Variants in PILRA observed in about 807,000 individuals in gnomAD.
PILRA encodes the protein paired immunoglobulin-like type 2 receptor alpha.
In PILRA, 37 loss-of-function variants were observed where a neutral mutation model predicts 33.1. The observed-to-expected ratio is 1.12, with a 90% CI of 0.86 to 1.47. PILRA has a LOEUF of 1.47. PILRA is among the 40% of genes most tolerant of loss of function. PILRA has a pLI of 0.00. For synonymous variants in PILRA, 146 were observed against 149.9 expected (o/e 0.97, Z 0.19); for missense variants, 312 against 376.2 (o/e 0.83, Z 1.41).
At chr7:100,379,092 CAA>C (rs760446053) in intron 2 of PILRA, among the ~76,000 whole-genome samples, 40 of 73,548 alleles carry the variant, frequency 5.4e-4, no homozygotes, top group Admixed American at 4.3e-4. Flanking sequence ...GACTCTGTCT[CAA>C]AAAAAAAAAA....
At chr7:100,384,432 T>C (rs1230430574) in intron 2 of PILRA, among the ~76,000 whole-genome samples, 1 of 149,618 alleles carries the variant, frequency 6.7e-6, no homozygotes, top group Non-Finnish European at 1.5e-5. Context: ...AAAAAAAATT[T>C]TTTTTTTTTT....
At chr7:100,374,490 A>G in intron 2 of PILRA, 57 bp downstream of exon 2, 1 of 1,603,388 alleles carries the variant, frequency 6.2e-7, no homozygotes, top group African/African-American at 1.3e-5. Context: ...TTTTATGATC[A>G]CTGGTGACAT....
At chr7:100,397,577 G>A (rs1238997170) in intron 3 of PILRA, among the ~76,000 whole-genome samples, 1 of 152,228 alleles carries the variant, frequency 6.6e-6, no homozygotes, top group East Asian at 1.9e-4. Flanking sequence ...GTGACTGGGC[G>A]AGGGCTCAGC....
intron 2 of PILRA, among the ~76,000 whole-genome samples, chr7:100,377,487 C>T (rs963639326): frequency 4.6e-5 from 7 of 151,444 alleles, no homozygotes; most frequent in East Asian, 2.0e-4. Flanking sequence ...GTGATCTGCC[C>T]GCCTCGGCCT....
chr7:100,381,830 G>A (rs1340619894), intron 2 of PILRA, among the ~76,000 whole-genome samples: 3 of 152,334 alleles, frequency 2.0e-5, no homozygotes, highest in African/African-American at 4.8e-5. Flanking sequence ...GGAGTGGCCG[G>A]CCGGCCCCGG....
At chr7:100,394,590 T>C (rs1791455143) in intron 3 of PILRA, among the ~76,000 whole-genome samples, 1 of 89,356 alleles carries the variant, frequency 1.1e-5, no homozygotes, top group South Asian at 3.6e-4. Flanking sequence ...TGAGATTCTA[T>C]CTCAAAAAAA....
chr7:100,398,602 C>T (rs760230490), intron 4 of PILRA, among the ~76,000 whole-genome samples: 42 of 152,208 alleles, frequency 2.8e-4, no homozygotes, highest in Non-Finnish European at 5.7e-4. Context: ...ATTCACCCAG[C>T]CTGAACCCCT....
rs1288235272 is a variant in PILRA, at chr7:100,399,251, C to T, written c.708-40C>T. 4 of 1,525,868 alleles carry T rather than the reference C, an allele frequency of 2.6e-6. No homozygotes were observed. In the African/African-American group the frequency reaches 5.5e-5, roughly 21 times the overall value. 94.5% of individuals were successfully genotyped at this position (1,525,868 alleles called of 1,614,324 possible). ...CACCCAGCCCATGTCTTAAAATGCC[C>T]AACCTCTAACATATTTCCTGTCCTC... On this transcript the variant is annotated intron_variant, in intron 4 of 6. Transcript: ENST00000198536.
chr7:100,398,269 T>C (rs1203639509), intron 4 of PILRA, among the ~76,000 whole-genome samples: 1 of 152,210 alleles, frequency 6.6e-6, no homozygotes, highest in East Asian at 1.9e-4. Context: ...CTTTTCCATA[T>C]TGCCTACTCT....
intron 2 of PILRA, among the ~76,000 whole-genome samples, chr7:100,378,720 AT>A (rs1791009003): frequency 1.3e-5 from 2 of 151,728 alleles, no homozygotes; most frequent in African/African-American, 4.8e-5. Flanking sequence ...AAGAAAAAAG[AT>A]TTTTTTACCC....
intron 5 of PILRA, 29 bp downstream of exon 5, chr7:100,399,369 T>C (rs1791590395): frequency 6.3e-7 from 1 of 1,586,134 alleles, no homozygotes; most frequent in Non-Finnish European, 8.7e-7. Flanking sequence ...CCTTCCCCAG[T>C]TTCTACCCCT....
intron 2 of PILRA, among the ~76,000 whole-genome samples, chr7:100,379,042 G>A (rs1344050593): frequency 6.7e-6 from 1 of 148,708 alleles, no homozygotes; most frequent in Non-Finnish European, 1.5e-5. Flanking sequence ...GCAGTGAGCA[G>A]AGATCGTGCC....
chr7:100,399,737 C>A, intron 6 of PILRA, 48 bp from the exon 7 acceptor site: 2 of 1,611,488 alleles, frequency 1.2e-6, no homozygotes, highest in Non-Finnish European at 1.7e-6. Context: ...AAGATGGGAA[C>A]AGCTCCGTCT....
At position 100,374,535 on chromosome 7, in the gene PILRA, G is replaced by A. The variant is rs753542030; in HGVS notation, c.454+102G>A. ...CACCTCAGACCCCACTTCTTCTGAC[G>A]ACCCCTAAGTTCTCTCTTTGGCCCC... On this transcript the variant is annotated intron_variant, in intron 2 of 6. Transcript: ENST00000198536. 11 of 1,400,190 alleles carry A rather than the reference G, an allele frequency of 7.9e-6. No homozygotes were observed. In the Admixed American group the frequency reaches 1.2e-4, roughly 16 times the overall value. 86.7% of individuals were successfully genotyped at this position (1,400,190 alleles called of 1,614,324 possible). A position where few individuals can be genotyped will look rare whatever the true frequency, so the allele number is the denominator to read the frequency against.
rs1791353954 is a variant in PILRA, at chr7:100,390,069, G to A, written c.636G>A (p.Leu212=). The A allele has an allele frequency of 1.2e-6, 2 of 1,613,974 alleles. No homozygotes were observed. The highest frequency in any genetic ancestry group is 1.7e-5 in the Admixed American group (1 of 59,986). ...TCACTGTGCTCGGAATCATGATTTT[G>A]GGACTGATCTGCCTCCTCAGGTGGA... ...VAVTVLGIMI[L]GLICLLRWRR... Residue 212 remains leucine, a synonymous_variant, in exon 3 of 7, where the codon TTG becomes TTA. Transcript: ENST00000198536.
chr7:100,379,668 CAAAAAAAAA>C (rs57322009), intron 2 of PILRA, among the ~76,000 whole-genome samples: 1 of 69,050 alleles, frequency 1.4e-5, no homozygotes, highest in East Asian at 4.7e-4. Flanking sequence ...ACTCTGTCTC[CAAAAAAAAA>C]AAAAAAAAAA....
At chr7:100,372,921 T>A (rs1790853686), upstream of PILRA, among the ~76,000 whole-genome samples, 1 of 147,882 alleles carries the variant, frequency 6.8e-6, no homozygotes, top group African/African-American at 2.5e-5. Context: ...GTCTTGGGGG[T>A]CAAGGGGTGG....
At chr7:100,389,780 C>G (rs1791341371) in intron 2 of PILRA, 108 bp from the exon 3 acceptor site, 2 of 861,880 alleles carry the variant, frequency 2.3e-6, no homozygotes, top group Non-Finnish European at 3.9e-6. Context: ...CAGAGAGGAG[C>G]TCCCTCACCA....
Position 100,374,453 on chromosome 7 carries a change from C to T in PILRA, c.454+20C>T. The T allele has an allele frequency of 1.9e-6, 3 of 1,613,318 alleles. No individual in the cohort carries two copies. The highest frequency in any genetic ancestry group is 8.5e-7 in the Non-Finnish European group (1 of 1,179,894). On this transcript the variant is annotated intron_variant, in intron 2 of 6. Transcript: ENST00000198536. ...CCCAGGGTGAGTCCAGCTGCCCTGG[C>T]ACCCGCTTTGCCCACCGCAGTGAGG...
Sources: allele counts gnomAD v4.1 joint callset (sites outside exome capture counted in the v4.1 genomes callset), GRCh38; gene constraint gnomAD v4.1.1; transcripts MANE v1.5; gene names NCBI Gene and HGNC (gene_info 2026-07-23, HGNC 2026-07-21).